The following SPTBN4 variants were observed in gnomAD, a reference collection of about 807,000 sequenced individuals.
The protein encoded by SPTBN4 is spectrin beta chain, non-erythrocytic 4.
SPTBN4 carries 96 observed loss-of-function variants against 277.8 expected under a neutral mutation model. That is an observed-to-expected ratio of 0.35 (90% CI 0.29 to 0.41). The LOEUF (loss-of-function observed/expected upper bound fraction) is 0.41, where lower values mean the gene tolerates loss of function less well. SPTBN4 is among the 10% of genes least tolerant of loss of function. The probability of loss-of-function intolerance (pLI) is 1.00; values close to 1 mark genes in which losing one functional copy is unlikely to be tolerated. For missense variants in SPTBN4, 3,006 were observed against 3,595.7 expected (o/e 0.84, Z 4.19); for synonymous variants, 1,481 against 1,580.3 (o/e 0.94, Z 1.49).
intron 20 of SPTBN4, among the ~76,000 whole-genome samples, chr19:40,538,045 G>A (rs546399990): frequency 1.1e-4 from 16 of 152,340 alleles, no homozygotes; most frequent in African/African-American, 3.8e-4. Context: ...AAAGTTATTG[G>A]AACTTGGAAG....
chr19:40,520,057 T>C lies in SPTBN4; in HGVS notation c.3560T>C (p.Leu1187Ser), dbSNP rs1431683701. The change falls in exon 16 of 36, where the codon TTG becomes TCG. Residue 1187 changes from leucine to serine, a missense_variant. Physicochemically the swap from Leu to Ser is moderately radical, Grantham distance 145. Around this residue, in one of 5 missense-constraint regions of SPTBN4, gnomAD observed 1,759 missense variants for 2,061.5 expected, o/e 0.85. Transcript: ENST00000598249. ...CTTGGCTGGCATAAACTGCTCGGCT[T>C]GTGGGAGGCGCGCAGGGAGGCGCTG... ...LELGWHKLLG[L>S]WEARREALVQ... The C allele has an allele frequency of 1.3e-6, 2 of 1,538,548 alleles. No homozygotes were observed. Among genetic ancestry groups the C allele is most frequent in the Non-Finnish European group, 1.7e-6 (2 of 1,146,146 alleles).
At chr19:40,525,469 G>A (rs1048696450) in intron 17 of SPTBN4, among the ~76,000 whole-genome samples, 1 of 151,968 alleles carries the variant, frequency 6.6e-6, no homozygotes, top group African/African-American at 2.4e-5. Context: ...CTATAGGTGT[G>A]AGCCACTGAG....
intron 1 of SPTBN4, among the ~76,000 whole-genome samples, chr19:40,469,703 G>A (rs2145793364): frequency 6.6e-6 from 1 of 151,778 alleles, no homozygotes. Flanking sequence ...GAGTGCAGTG[G>A]TGCGATCTCG....
intron 13 of SPTBN4, among the ~76,000 whole-genome samples, chr19:40,508,735 G>T (rs2080357577): frequency 6.6e-6 from 1 of 151,978 alleles, no homozygotes; most frequent in Non-Finnish European, 1.5e-5. Context: ...GTAGGATTTG[G>T]GCTTGTGTTA....
intron 26 of SPTBN4, among the ~76,000 whole-genome samples, chr19:40,559,035 A>G (rs7259210): frequency 0.61 from 92,191 of 150,664 alleles, 29,302 homozygotes; most frequent in African/African-American, 0.71. Context: ...GGGTTCAAGC[A>G]ATTCTCCCAC....
intron 1 of SPTBN4, among the ~76,000 whole-genome samples, chr19:40,471,863 T>G (rs1481725842): frequency 6.7e-6 from 1 of 149,116 alleles, no homozygotes; most frequent in Non-Finnish European, 1.5e-5. Flanking sequence ...CTCAGCCTCC[T>G]GAGTAGCTGG....
intron 2 of SPTBN4, among the ~76,000 whole-genome samples, chr19:40,476,259 C>T (rs2079946156): frequency 6.6e-6 from 1 of 150,864 alleles, no homozygotes; most frequent in Non-Finnish European, 1.5e-5. Flanking sequence ...GCAGGAGAAT[C>T]GCCTGAACCT....
At chr19:40,503,755 C>T in intron 11 of SPTBN4, 75 bp from the exon 12 acceptor site, 1 of 1,473,992 alleles carries the variant, frequency 6.8e-7, no homozygotes, top group Non-Finnish European at 9.1e-7. Context: ...TGGGGAGTCC[C>T]CAGGGTCACA....
At chr19:40,485,689 G>C (rs1052494303) in intron 2 of SPTBN4, among the ~76,000 whole-genome samples, 7 of 151,696 alleles carry the variant, frequency 4.6e-5, no homozygotes, top group African/African-American at 1.7e-4. Flanking sequence ...GCATGTGCCT[G>C]TAACCCCAGA....
In SPTBN4 at chr19:40,549,248, G is replaced by C. The variant is rs890741769; in HGVS notation, c.4419G>C (p.Thr1473=). 2.6e-6 allele frequency: 4 copies of C among 1,547,406 alleles called. No homozygotes were observed. The highest frequency in any genetic ancestry group is 3.5e-6 in the Non-Finnish European group (4 of 1,146,966). The change falls in exon 21 of 36, where the codon ACG becomes ACC. Residue 1473 remains threonine, a synonymous_variant. Transcript: ENST00000598249. ...AGGTGGGAGAGCTGCAGGCGCAGAC[G>C]GCGGCGCTGCCGCTGGAGCCGGCGA... ...YREVGELQAQ[T]AALPLEPASK...
chr19:40,506,177 G>C lies in SPTBN4; in HGVS notation c.1666-59G>C. ...GCAGGGGCTGGCATAGGCAATGGGG[G>C]AGAGGTGAGTGGCCCAGGGCAGTGC... On this transcript the variant is annotated intron_variant, in intron 12 of 35. Coordinates refer to ENST00000598249, the MANE Select transcript of SPTBN4 (RefSeq NM_020971.3). 1.9e-6 allele frequency: 3 copies of C among 1,552,668 alleles called. No homozygotes were observed. The South Asian group carries it at 3.7e-5, about 19-fold the overall frequency.
intron 29 of SPTBN4, 53 bp from the exon 30 acceptor site, chr19:40,566,110 C>A: frequency 1.4e-6 from 2 of 1,450,022 alleles, no homozygotes; most frequent in South Asian, 2.9e-5. Context: ...GCCATTGCCC[C>A]CAGGAAGGGC....
chr19:40,564,170 C>T (rs953702254), intron 27 of SPTBN4, among the ~76,000 whole-genome samples: 8 of 152,032 alleles, frequency 5.3e-5, no homozygotes, highest in African/African-American at 9.7e-5. Flanking sequence ...GCCTGACAAA[C>T]ATGTTGAAAC....
intron 13 of SPTBN4, among the ~76,000 whole-genome samples, chr19:40,508,669 C>A (rs556143746): frequency 6.6e-6 from 1 of 152,250 alleles, no homozygotes; most frequent in Non-Finnish European, 1.5e-5. Flanking sequence ...GCCTGGGCAA[C>A]AGAGCGAGAC....
intron 5 of SPTBN4, 113 bp from the exon 6 acceptor site, chr19:40,494,783 AC>A (rs1351816452): frequency 1.3e-5 from 10 of 791,696 alleles, no homozygotes; most frequent in East Asian, 1.1e-4. Flanking sequence ...TCTATGTTCT[AC>A]CCCCTCTCTC....
chr19:40,532,331 C>T (rs1161674666), intron 18 of SPTBN4, among the ~76,000 whole-genome samples: 2 of 151,732 alleles, frequency 1.3e-5, no homozygotes, highest in African/African-American at 2.4e-5. Flanking sequence ...CTGACTGGCC[C>T]TGCCTTGGGG....
In SPTBN4 at chr19:40,468,117, A is replaced by C. The variant is rs1003416308; in HGVS notation, c.-16+812A>C. Among the ~76,000 whole-genome samples, 13 of 148,344 alleles carry C rather than the reference A, an allele frequency of 8.8e-5. No homozygotes were observed. The East Asian group carries it at 2.5e-3, about 29-fold the overall frequency. ...TTTGAGACGGAGTTTCACTCTTGTC[A>C]CCCAAGTTGGAGTGTAATGGCGCGA... is the stretch of plus-strand genomic sequence containing the variant. On this transcript the variant is annotated intron_variant, in intron 1 of 35. Coordinates refer to ENST00000598249, the MANE Select transcript of SPTBN4 (RefSeq NM_020971.3).
At chr19:40,504,688 A>C (rs1488145626) in intron 12 of SPTBN4, among the ~76,000 whole-genome samples, 2 of 152,026 alleles carry the variant, frequency 1.3e-5, no homozygotes, top group African/African-American at 4.8e-5. Context: ...AACAAAAAAA[A>C]CAAAAAACAA....
chr19:40,526,907 C>A (rs771500594), intron 17 of SPTBN4, among the ~76,000 whole-genome samples: 7 of 152,108 alleles, frequency 4.6e-5, no homozygotes, highest in Non-Finnish European at 5.9e-5. Context: ...TGTTCTTTCA[C>A]CCTCATGGAG....
Sources: allele counts gnomAD v4.1 joint callset (sites outside exome capture counted in the v4.1 genomes callset), GRCh38; gene constraint gnomAD v4.1.1; regional missense constraint gnomAD v4.1.1; transcripts MANE v1.5; gene names NCBI Gene and HGNC (gene_info 2026-07-23, HGNC 2026-07-21).